ZNF804A: variants seen among roughly 807,000 people sequenced by gnomAD.
ZNF804A encodes the protein zinc finger protein 804A.
Under a neutral mutation model 16.5 loss-of-function variants are expected in ZNF804A, and 2 were observed. The ratio of observed to expected loss-of-function variants is 0.12; its 90% CI spans 0.05 to 0.38. ZNF804A has a LOEUF of 0.38. Among genes scored for constraint, ZNF804A ranks in the 10% least tolerant of loss-of-function variants. The pLI is 0.99. For synonymous variants in ZNF804A, 534 were observed against 489.6 expected (o/e 1.09, Z -1.20); for missense variants, 1,473 against 1,390.7 (o/e 1.06, Z -0.94).
At chr2:184,781,598 A>C (rs1282653498) in intron 1 of ZNF804A, among the ~76,000 whole-genome samples, 1 of 151,600 alleles carries the variant, frequency 6.6e-6, no homozygotes. Context: ...ACCACACTAC[A>C]CCTTGGCTGC....
intron 1 of ZNF804A, among the ~76,000 whole-genome samples, chr2:184,749,625 C>A (rs1693845708): frequency 6.6e-6 from 1 of 151,042 alleles, no homozygotes; most frequent in Non-Finnish European, 1.5e-5. Flanking sequence ...AATATTGTAT[C>A]TTTTTTATGT....
intron 1 of ZNF804A, among the ~76,000 whole-genome samples, chr2:184,803,903 C>T (rs182850581): frequency 8.6e-5 from 13 of 152,008 alleles, no homozygotes; most frequent in Admixed American, 2.0e-4. Flanking sequence ...CACTCTGTCA[C>T]CCAGGCTGGA....
intron 1 of ZNF804A, among the ~76,000 whole-genome samples, chr2:184,846,985 A>G (rs563675956): frequency 6.6e-6 from 1 of 152,284 alleles, no homozygotes; most frequent in South Asian, 2.1e-4. Context: ...TGTTGGTCCA[A>G]TAGTTTTTAT....
At chr2:184,916,031 C>T (rs1430151432) in intron 2 of ZNF804A, among the ~76,000 whole-genome samples, 1 of 152,112 alleles carries the variant, frequency 6.6e-6, no homozygotes, top group Non-Finnish European at 1.5e-5. Flanking sequence ...TGCATAGTGT[C>T]ATTGAAGAGA....
intron 2 of ZNF804A, among the ~76,000 whole-genome samples, chr2:184,876,234 T>C (rs1392736573): frequency 1.3e-5 from 2 of 152,184 alleles, no homozygotes; most frequent in African/African-American, 4.8e-5. Flanking sequence ...TAAACTGCTG[T>C]TTAGTGATCT....
chr2:184,927,263 A>G (rs1001055630), intron 2 of ZNF804A, among the ~76,000 whole-genome samples: 13 of 152,214 alleles, frequency 8.5e-5, no homozygotes, highest in African/African-American at 3.1e-4. Context: ...ACCACCTCCA[A>G]GGTCTTGGAC....
chr2:184,629,178 T>C (rs1257641641), intron 1 of ZNF804A, among the ~76,000 whole-genome samples: 3 of 152,178 alleles, frequency 2.0e-5, no homozygotes, highest in African/African-American at 7.2e-5. Context: ...ATTCCTTTGT[T>C]GATTTTATGT....
intron 1 of ZNF804A, among the ~76,000 whole-genome samples, chr2:184,827,355 C>T (rs1331713182): frequency 6.7e-6 from 1 of 149,160 alleles, no homozygotes; most frequent in African/African-American, 2.4e-5. Flanking sequence ...TTAAAATCAA[C>T]ATTGGAGGTA....
chr2:184,704,870 G>A (rs1184153726), intron 1 of ZNF804A, among the ~76,000 whole-genome samples: 1 of 152,198 alleles, frequency 6.6e-6, no homozygotes, highest in East Asian at 1.9e-4. Context: ...GGGATGCCCT[G>A]AGAATCCTTG....
At chr2:184,911,654 G>C (rs1685360693) in intron 2 of ZNF804A, among the ~76,000 whole-genome samples, 1 of 146,200 alleles carries the variant, frequency 6.8e-6, no homozygotes, top group African/African-American at 2.4e-5. Context: ...TATTTCAGTA[G>C]TGCTTTGTAG....
intron 1 of ZNF804A, among the ~76,000 whole-genome samples, chr2:184,684,614 A>C (rs770827143): frequency 5.9e-5 from 9 of 152,046 alleles, no homozygotes; most frequent in Admixed American, 5.9e-4. Context: ...GTACATGTGC[A>C]GGTTTGTTGT....
intron 1 of ZNF804A, among the ~76,000 whole-genome samples, chr2:184,685,122 A>G (rs990604743): frequency 5.3e-5 from 8 of 152,214 alleles, no homozygotes; most frequent in African/African-American, 1.9e-4. Context: ...GCCACTGCAC[A>G]CAGCCAGGCA....
intron 1 of ZNF804A, among the ~76,000 whole-genome samples, chr2:184,683,971 T>C (rs745695981): frequency 3.9e-5 from 6 of 152,198 alleles, no homozygotes; most frequent in Admixed American, 6.5e-5. Flanking sequence ...TTTTATTTGG[T>C]AACCTTTTAT....
At chr2:184,733,923 G>A (rs1693565336) in intron 1 of ZNF804A, among the ~76,000 whole-genome samples, 1 of 150,284 alleles carries the variant, frequency 6.7e-6, no homozygotes, top group South Asian at 2.1e-4. Context: ...CAGTTAGCTT[G>A]TCTAGAGACA....
intron 1 of ZNF804A, among the ~76,000 whole-genome samples, chr2:184,848,354 C>T (rs1363136331): frequency 6.6e-6 from 1 of 152,052 alleles, no homozygotes; most frequent in African/African-American, 2.4e-5. Context: ...ATGTTGTACT[C>T]TGTCTCTCCC....
intron 2 of ZNF804A, among the ~76,000 whole-genome samples, chr2:184,904,192 A>G (rs1268579722): frequency 1.3e-5 from 2 of 152,100 alleles, no homozygotes; most frequent in Non-Finnish European, 2.9e-5. Context: ...AATGAAAACT[A>G]CAAAATACTG....
At chr2:184,803,307 G>A (rs948179537) in intron 1 of ZNF804A, among the ~76,000 whole-genome samples, 1 of 151,624 alleles carries the variant, frequency 6.6e-6, no homozygotes, top group African/African-American at 2.4e-5. Flanking sequence ...TCTCATTGAC[G>A]CCCACCCTGA....
chr2:184,870,459 A>G (rs1037798869), intron 2 of ZNF804A, among the ~76,000 whole-genome samples: 1 of 152,072 alleles, frequency 6.6e-6, no homozygotes, highest in Admixed American at 6.6e-5. Flanking sequence ...ATACTACATA[A>G]TAATTCATTA....
chr2:184,884,597 A>G (rs1684857895), intron 2 of ZNF804A, among the ~76,000 whole-genome samples: 1 of 152,240 alleles, frequency 6.6e-6, no homozygotes, highest in South Asian at 2.1e-4. Flanking sequence ...TACTGATACA[A>G]AAACAGAACC....
Sources: allele counts gnomAD v4.1 joint callset (sites outside exome capture counted in the v4.1 genomes callset), GRCh38; gene constraint gnomAD v4.1.1; transcripts MANE v1.5; gene names NCBI Gene and HGNC (gene_info 2026-07-23, HGNC 2026-07-21).